Variants in NUP214 observed in about 807,000 individuals in gnomAD.
NUP214 encodes the protein nucleoporin 214, also known as nuclear pore complex protein Nup214.
A neutral mutation model predicts 196.2 loss-of-function variants in NUP214; 79 were observed. The ratio of observed to expected loss-of-function variants is 0.40; its 90% CI spans 0.34 to 0.49. The LOEUF (loss-of-function observed/expected upper bound fraction) is 0.49. Ranked by LOEUF, NUP214 falls within the 20% of genes least tolerant of loss-of-function variation. The pLI, the probability that NUP214 is intolerant of heterozygous loss-of-function variation, is 0.58. For missense variants in NUP214, 2,468 were observed against 2,539.0 expected (o/e 0.97, Z 0.60); for synonymous variants, 1,020 against 990.5 (o/e 1.03, Z -0.56).
intron 30 of NUP214, among the ~76,000 whole-genome samples, chr9:131,206,682 T>A (rs1834097945): frequency 6.6e-6 from 1 of 152,004 alleles, no homozygotes; most frequent in Non-Finnish European, 1.5e-5. Context: ...GCCCAAGTGA[T>A]CCTCCCACCT....
At chr9:131,174,460 T>TC (rs1833054849) in intron 22 of NUP214, 142 bp downstream of exon 22, 2 of 786,750 alleles carry the variant, frequency 2.5e-6, no homozygotes, top group Non-Finnish European at 3.7e-6. Context: ...TTTTTCTTTT[T>TC]TTTTTTGAGG....
At chr9:131,177,410 A>G (rs774316075) in intron 23 of NUP214, among the ~76,000 whole-genome samples, 19 of 152,184 alleles carry the variant, frequency 1.2e-4, no homozygotes, top group Non-Finnish European at 1.9e-4. Context: ...GTTAAAATCT[A>G]TTAGGATTGA....
intron 21 of NUP214, among the ~76,000 whole-genome samples, chr9:131,166,654 A>G (rs1832793724): frequency 6.6e-6 from 1 of 152,210 alleles, no homozygotes; most frequent in African/African-American, 2.4e-5. Flanking sequence ...ACCCAGGTCA[A>G]GAAACAGAAT....
intron 27 of NUP214, chr9:131,192,538 C>G (rs1833636369): frequency 3.2e-6 from 1 of 308,132 alleles, no homozygotes; most frequent in African/African-American, 2.2e-5. Context: ...TAGCCTAAGC[C>G]TCATTTTCTT....
chr9:131,190,379 A>G, intron 26 of NUP214: 1 of 669,128 alleles, frequency 1.5e-6, no homozygotes, highest in Non-Finnish European at 2.7e-6. Context: ...TGTCTGGGCA[A>G]GTAGTGTGAC....
chr9:131,175,737 A>G (rs1833096490), intron 23 of NUP214, 116 bp downstream of exon 23: 1 of 1,389,844 alleles, frequency 7.2e-7, no homozygotes, highest in Non-Finnish European at 9.4e-7. Flanking sequence ...TCAGAAGAGA[A>G]GATTGATGTG....
intron 30 of NUP214, among the ~76,000 whole-genome samples, chr9:131,203,961 A>T (rs975886041): frequency 1.3e-5 from 2 of 152,236 alleles, no homozygotes; most frequent in African/African-American, 4.8e-5. Flanking sequence ...CTGGGACTCC[A>T]TGTTGACAGG....
At chr9:131,128,531 T>G (rs780429419) in intron 3 of NUP214, 48 bp downstream of exon 3, 1 of 1,494,372 alleles carries the variant, frequency 6.7e-7, no homozygotes, top group South Asian at 1.3e-5. Flanking sequence ...CCTAAGCAGA[T>G]TTCCTTGTAT....
In NUP214 at chr9:131,232,381, TG is replaced by T; in HGVS notation, c.6239+75del. ...AAGGTTGGAAGTGTGTGGATCTTGC[TG>T]GATTTGTGCATTTTCTTTTCGTTTT... On this transcript the variant is annotated intron_variant, in intron 35 of 35. Coordinates refer to ENST00000359428, the MANE Select transcript of NUP214 (RefSeq NM_005085.4). This position sits in a 1 kb window ranked among gnomAD's most constrained non-coding sequence, Gnocchi z 5.1. 1 of 1,448,842 alleles carries T rather than the reference TG, an allele frequency of 6.9e-7. No individual in the cohort carries two copies. 89.7% of individuals were successfully genotyped at this position (1,448,842 alleles called of 1,614,324 possible).
chr9:131,146,255 A>G lies in NUP214; in HGVS notation c.1896A>G (p.Ala632=), dbSNP rs1165547268. ...GPLSHPTPLS[A]PPSSVPLKSS... Reference sequence around the variant, plus strand: ...TCAGCCACCCCACACCTCTCTCAGCACCACCTAGTTCCGTGCCATTGAAGT... The same window carrying G: ...TCAGCCACCCCACACCTCTCTCAGCGCCACCTAGTTCCGTGCCATTGAAGT... Residue 632 remains alanine (A), a synonymous_variant, in exon 13 of 36, where the codon GCA becomes GCG. Transcript: ENST00000359428. The surrounding 1 kb of genome is among the most constrained non-coding windows in gnomAD (Gnocchi z 4.6). The G allele has an allele frequency of 5.6e-6, 9 of 1,614,092 alleles. No individual in the cohort carries two copies. The highest frequency in any genetic ancestry group is 1.3e-5 in the African/African-American group (1 of 75,014).
chr9:131,192,329 G>A (rs193242485), intron 27 of NUP214, 37 bp downstream of exon 27: 22 of 1,187,516 alleles, frequency 1.9e-5, no homozygotes, highest in South Asian at 8.0e-5. Context: ...CAAATTACTA[G>A]CAATTAGCTT....
At chr9:131,156,278 G>C (rs566569715) in intron 17 of NUP214, among the ~76,000 whole-genome samples, 9 of 151,864 alleles carry the variant, frequency 5.9e-5, no homozygotes, top group Admixed American at 1.3e-4. Flanking sequence ...AACTACAGGC[G>C]CCTGCCACCA....
intron 17 of NUP214, among the ~76,000 whole-genome samples, chr9:131,158,219 T>G (rs1377754496): frequency 6.6e-6 from 1 of 152,096 alleles, no homozygotes; most frequent in Non-Finnish European, 1.5e-5. Flanking sequence ...CCTGGGATTA[T>G]AGGCATGCAT....
intron 21 of NUP214, chr9:131,167,136 A>G (rs1832808229): frequency 6.6e-6 from 1 of 152,132 alleles, no homozygotes; most frequent in African/African-American, 2.4e-5. Context: ...GTAAGTTGTC[A>G]TTCTCTTTAG....
intron 14 of NUP214, among the ~76,000 whole-genome samples, chr9:131,149,380 G>C: frequency 6.6e-6 from 1 of 151,028 alleles, no homozygotes; most frequent in Non-Finnish European, 1.5e-5. Flanking sequence ...GTCTCCCCTA[G>C]AGGCTAGTCC....
intron 7 of NUP214, 100 bp downstream of exon 7, chr9:131,133,309 T>C: frequency 1.6e-6 from 1 of 639,152 alleles, no homozygotes; most frequent in South Asian, 2.6e-5. Flanking sequence ...TTTGTGTTTT[T>C]TTTTTTTTTT....
chr9:131,139,076 CT>C (rs1378361189), intron 9 of NUP214, among the ~76,000 whole-genome samples: 5 of 152,134 alleles, frequency 3.3e-5, no homozygotes, highest in Non-Finnish European at 7.4e-5. Flanking sequence ...GGAAAATTAA[CT>C]TCCCATTTGC....
chr9:131,228,546 G>GT (rs1264541833), intron 33 of NUP214: 3 of 451,098 alleles, frequency 6.7e-6, no homozygotes, highest in African/African-American at 6.2e-5. Flanking sequence ...CCTCAGCTGT[G>GT]TTGCTGTTCC....
In NUP214 at chr9:131,196,025, T is replaced by TCCGTCCCCCCCCCCCCCCCCCC. The variant is rs1554737948; in HGVS notation, c.3721+733_3721+734insGTCCCCCCCCCCCCCCCCCCCC. 5.5e-4 allele frequency among the ~76,000 whole-genome samples: 2 copies of TCCGTCCCCCCCCCCCCCCCCCC among 3,666 alleles called. 1 individual carries two copies. Among genetic ancestry groups the TCCGTCCCCCCCCCCCCCCCCCC allele is most frequent in the Non-Finnish European group, 1.3e-3 (2 of 1,586 alleles). 2.4% of individuals were successfully genotyped at this position (3,666 alleles called of 152,430 possible). A position where few individuals can be genotyped will look rare whatever the true frequency, so the allele number is the denominator to read the frequency against. On this transcript the variant is annotated intron_variant, in intron 28 of 35. Transcript: ENST00000359428. ...GGCAACAAGAGTGAAACTCTGTGTG[T>TCCGTCCCCCCCCCCCCCCCCCC]CCCCCCCCCCCCCCGCGCCAAAAAA...
Sources: gnomAD v4.1 joint callset for allele counts (sites outside exome capture counted in the v4.1 genomes callset) on GRCh38, gnomAD v4.1.1 for gene constraint, Gnocchi (gnomAD v3.1) non-coding constraint, MANE v1.5 for transcripts, NCBI Gene and HGNC (gene_info 2026-07-23, HGNC 2026-07-21) for gene names.